The following SMOC2 variants were observed in gnomAD, a reference collection of about 807,000 sequenced individuals.
SMOC2 encodes SPARC related modular calcium binding 2.
In SMOC2, 39 loss-of-function variants were observed where a neutral mutation model predicts 61.4. The ratio of observed to expected loss-of-function variants is 0.64; its 90% CI spans 0.49 to 0.83. The LOEUF is 0.83. SMOC2 is among the 40% of genes least tolerant of loss of function. SMOC2 has a pLI of 0.00. For synonymous variants in SMOC2, 247 were observed against 239.9 expected (o/e 1.03, Z -0.27); for missense variants, 556 against 592.9 (o/e 0.94, Z 0.65).
intron 2 of SMOC2, among the ~76,000 whole-genome samples, chr6:168,524,273 C>G (rs1471830042): frequency 6.6e-6 from 1 of 152,218 alleles, no homozygotes; most frequent in Non-Finnish European, 1.5e-5. Flanking sequence ...AGCAGTTTTA[C>G]TTCATAAGAT....
At chr6:168,521,617 G>A (rs138886479) in intron 2 of SMOC2, among the ~76,000 whole-genome samples, 62 of 152,322 alleles carry the variant, frequency 4.1e-4, no homozygotes, top group African/African-American at 1.3e-3. Context: ...GGCTAGGCGT[G>A]GGGGCTCATG....
intron 9 of SMOC2, among the ~76,000 whole-genome samples, chr6:168,620,356 C>A (rs891115122): frequency 6.6e-6 from 1 of 152,180 alleles, no homozygotes; most frequent in African/African-American, 2.4e-5. Context: ...ATGCCTGTTG[C>A]ATAGGTGGTG....
chr6:168,472,337 T>C (rs1179289276), intron 1 of SMOC2, among the ~76,000 whole-genome samples: 1 of 151,190 alleles, frequency 6.6e-6, no homozygotes, highest in Non-Finnish European at 1.5e-5. Context: ...TTGCCATCAT[T>C]ACTGAAAATC....
chr6:168,522,451 C>T (rs1783350421), intron 2 of SMOC2, among the ~76,000 whole-genome samples: 1 of 152,204 alleles, frequency 6.6e-6, no homozygotes, highest in Non-Finnish European at 1.5e-5. Context: ...AAGTGTTCAT[C>T]CATGAGTGAA....
chr6:168,447,334 G>C (rs544693639), intron 1 of SMOC2, among the ~76,000 whole-genome samples: 1 of 152,206 alleles, frequency 6.6e-6, no homozygotes, highest in Admixed American at 6.5e-5. Flanking sequence ...GCTGGTCATC[G>C]ATTTTCTTTC....
intron 7 of SMOC2, among the ~76,000 whole-genome samples, chr6:168,560,355 T>C (rs1476823935): frequency 6.6e-6 from 1 of 152,258 alleles, no homozygotes; most frequent in Admixed American, 6.5e-5. Context: ...CAGTTATATG[T>C]TGCGTCTGCA....
chr6:168,448,453 G>A (rs1057498894), intron 1 of SMOC2, among the ~76,000 whole-genome samples: 35 of 150,968 alleles, frequency 2.3e-4, no homozygotes, highest in Admixed American at 5.9e-4. Flanking sequence ...TGAGGATGGG[G>A]AGGAGGACGG....
intron 7 of SMOC2, among the ~76,000 whole-genome samples, chr6:168,571,378 A>T (rs1329084462): frequency 6.6e-6 from 1 of 151,932 alleles, no homozygotes; most frequent in Non-Finnish European, 1.5e-5. Context: ...GGCAAATGTT[A>T]CTCCACCATG....
rs575850875 is a variant in SMOC2 at position 168,554,746 on chromosome 6, C to T, written c.637+5543C>T. 3.9e-5 allele frequency among the ~76,000 whole-genome samples: 6 copies of T among 152,346 alleles called. No homozygotes were observed. The South Asian group carries it at 1.0e-3, about 26-fold the overall frequency. On this transcript the variant is annotated intron_variant, in intron 7 of 12. Coordinates refer to ENST00000356284, the MANE Select transcript of SMOC2 (RefSeq NM_001166412.2). The stretch of plus-strand genomic sequence containing the variant: ...TGAATTTGGTTGCTTTCCTTAACAC[C>T]GTGTGCCCAATTCCTGATGGAGCCA...
intron 11 of SMOC2, among the ~76,000 whole-genome samples, chr6:168,662,345 G>A (rs528413362): frequency 6.6e-6 from 1 of 152,322 alleles, no homozygotes; most frequent in South Asian, 2.1e-4. Flanking sequence ...AACGTTAGAT[G>A]GGGGCAGGGA....
intron 1 of SMOC2, among the ~76,000 whole-genome samples, chr6:168,497,019 G>T (rs561962653): frequency 3.0e-4 from 46 of 152,368 alleles, no homozygotes; most frequent in Non-Finnish European, 4.7e-4. Flanking sequence ...TGAGCAGAGG[G>T]CTAGAGGGGG....
intron 1 of SMOC2, among the ~76,000 whole-genome samples, chr6:168,501,077 G>A (rs928457302): frequency 9.2e-5 from 14 of 152,154 alleles, no homozygotes; most frequent in Non-Finnish European, 1.9e-4. Context: ...CCTAAGAATC[G>A]TGGCCGGATG....
intron 9 of SMOC2, among the ~76,000 whole-genome samples, chr6:168,634,163 C>G (rs975883672): frequency 6.6e-6 from 1 of 152,264 alleles, no homozygotes; most frequent in East Asian, 1.9e-4. Flanking sequence ...TGAGAACGGA[C>G]TAATACACAC....
At chr6:168,615,858 G>C (rs1273232926) in intron 9 of SMOC2, among the ~76,000 whole-genome samples, 1 of 151,944 alleles carries the variant, frequency 6.6e-6, no homozygotes. Flanking sequence ...GCAACACCTG[G>C]ATTTTTCAGA....
intron 7 of SMOC2, among the ~76,000 whole-genome samples, chr6:168,592,544 C>CG (rs1785215232): frequency 1.2e-5 from 1 of 83,324 alleles, no homozygotes; most frequent in African/African-American, 4.2e-5. Flanking sequence ...TCTAGAGGAT[C>CG]TCCGAGCTCC....
At chr6:168,529,305 G>A (rs1258563415) in intron 4 of SMOC2, among the ~76,000 whole-genome samples, 1 of 152,166 alleles carries the variant, frequency 6.6e-6, no homozygotes, top group Non-Finnish European at 1.5e-5. Context: ...TGTTTATTGG[G>A]CAGCCCATGC....
intron 4 of SMOC2, among the ~76,000 whole-genome samples, chr6:168,533,572 G>A (rs1583087617): frequency 6.6e-6 from 1 of 152,276 alleles, no homozygotes; most frequent in South Asian, 2.1e-4. Context: ...AGGCAGCTGC[G>A]TTTGGTCTCC....
intron 5 of SMOC2, 102 bp from the exon 6 acceptor site, chr6:168,547,017 G>A: frequency 7.2e-7 from 1 of 1,396,330 alleles, no homozygotes; most frequent in Admixed American, 1.7e-5. Context: ...GTTGATCTGT[G>A]GGGACTGAGT....
chr6:168,499,953 G>A (rs1702657942), intron 1 of SMOC2, among the ~76,000 whole-genome samples: 1 of 152,188 alleles, frequency 6.6e-6, no homozygotes, highest in South Asian at 2.1e-4. Context: ...AAAGTGTTTA[G>A]AACAATGCCT....
Sources: gnomAD v4.1 joint callset for allele counts (sites outside exome capture counted in the v4.1 genomes callset) on GRCh38, gnomAD v4.1.1 for gene constraint, MANE v1.5 for transcripts, NCBI Gene and HGNC (gene_info 2026-07-23, HGNC 2026-07-21) for gene names.